The following ARHGEF10 variants were observed in gnomAD, a reference collection of about 807,000 sequenced individuals.
ARHGEF10 encodes Rho guanine nucleotide exchange factor (GEF) 10.
In ARHGEF10, 140 loss-of-function variants were observed where a neutral mutation model predicts 147.4. That is an observed-to-expected ratio of 0.95 (90% CI 0.83 to 1.09). The LOEUF is 1.09. Among genes scored for constraint, ARHGEF10 ranks in the 50% least tolerant of loss-of-function variants. The pLI, the probability that ARHGEF10 is intolerant of heterozygous loss-of-function variation, is 0.00. For synonymous variants in ARHGEF10, 902 were observed against 695.8 expected (o/e 1.30, Z -4.67); for missense variants, 2,222 against 1,752.7 (o/e 1.27, Z -4.78).
intron 7 of ARHGEF10, chr8:1,871,210 G>C (rs1807094336): frequency 6.7e-6 from 1 of 150,192 alleles, no homozygotes; most frequent in Non-Finnish European, 1.5e-5. Context: ...TTTGAAGCAA[G>C]TAGTTCCAGA....
intron 26 of ARHGEF10, among the ~76,000 whole-genome samples, chr8:1,939,418 G>A (rs1323731042): frequency 6.6e-6 from 1 of 152,262 alleles, no homozygotes; most frequent in Non-Finnish European, 1.5e-5. Context: ...TCCCAGGATG[G>A]CTGGGCTGCC....
At chr8:1,938,810 G>A (rs908465635) in intron 26 of ARHGEF10, among the ~76,000 whole-genome samples, 2 of 152,096 alleles carry the variant, frequency 1.3e-5, no homozygotes, top group African/African-American at 4.8e-5. Flanking sequence ...GTCAGCAGAA[G>A]AGGCCAGAGA....
At chr8:1,826,191 TG>T in intron 1 of ARHGEF10, 1 of 1,489,690 alleles carries the variant, frequency 6.7e-7, no homozygotes. Context: ...TGTAGACAGT[TG>T]GGGGTGAAGT....
intron 26 of ARHGEF10, among the ~76,000 whole-genome samples, chr8:1,945,006 T>C (rs1585638221): frequency 2.0e-5 from 3 of 152,342 alleles, no homozygotes; most frequent in African/African-American, 7.2e-5. Flanking sequence ...AAGGACCAAG[T>C]TGCTTGGAGA....
intron 7 of ARHGEF10, among the ~76,000 whole-genome samples, chr8:1,873,698 G>A (rs1298719892): frequency 6.9e-6 from 1 of 144,386 alleles, no homozygotes; most frequent in South Asian, 2.2e-4. Context: ...ATTGAGCGGT[G>A]CCCGCGGGGT....
intron 4 of ARHGEF10, 128 bp from the exon 5 acceptor site, chr8:1,864,245 C>T: frequency 2.2e-6 from 2 of 906,814 alleles, no homozygotes; most frequent in Non-Finnish European, 3.6e-6. Flanking sequence ...GTTTATTAAT[C>T]ACCCTTATGC....
At chr8:1,929,188 G>C in intron 24 of ARHGEF10, 98 bp from the exon 25 acceptor site, 1 of 1,346,250 alleles carries the variant, frequency 7.4e-7, no homozygotes, top group Non-Finnish European at 1.1e-6. Flanking sequence ...GGAAGGGCAA[G>C]AGGGAAGAGT....
intron 21 of ARHGEF10, among the ~76,000 whole-genome samples, 172 bp from the exon 22 acceptor site, chr8:1,925,111 A>G (rs1279896016): frequency 1.3e-5 from 2 of 152,234 alleles, no homozygotes; most frequent in African/African-American, 4.8e-5. Context: ...ACGAATATAC[A>G]GCCTATGCTG....
intron 13 of ARHGEF10, among the ~76,000 whole-genome samples, chr8:1,895,213 A>G (rs926174684): frequency 6.6e-6 from 1 of 152,180 alleles, no homozygotes; most frequent in Non-Finnish European, 1.5e-5. Flanking sequence ...GGCAGTTTCG[A>G]GTCATTTTAT....
intron 1 of ARHGEF10, among the ~76,000 whole-genome samples, chr8:1,839,454 G>GGA: frequency 7.6e-6 from 1 of 132,062 alleles, no homozygotes; most frequent in African/African-American, 2.9e-5. Context: ...TGGTGTGGAA[G>GGA]CTGTCTGGTG....
At position 1,858,205 on chromosome 8, in the gene ARHGEF10, T is replaced by TCCCCAGGTGAG. The variant is rs1395408568; in HGVS notation, c.193+90_193+91insCCCCAGGTGAG. On this transcript the variant is annotated intron_variant, in intron 3 of 28. Coordinates refer to ENST00000349830, the MANE Select transcript of ARHGEF10 (RefSeq NM_014629.4). ...GTCCCCATGTGAGTCACCAGGTGAG[T>TCCCCAGGTGAG]TCCCAGGTGAGTCCCCAGGTGAGTC... 4.8e-4 allele frequency: 586 copies of TCCCCAGGTGAG among 1,231,114 alleles called. 1 individual carries two copies. The African/African-American group carries it at 5.7e-3, about 12-fold the overall frequency. The allele number at this position is 1,231,114 out of a possible 1,614,324, so 76.3% of individuals were successfully genotyped here.
At position 1,948,744 on chromosome 8, in the gene ARHGEF10, G is replaced by A. The variant is rs994065020; in HGVS notation, c.3397+3089G>A. ...TTCATCTCATCTCCTCTGTCTAGTC[G>A]TCTTTGCCTTTCAGCTAATATTTCA... On this transcript the variant is annotated intron_variant, in intron 27 of 28. Coordinates refer to ENST00000349830, the MANE Select transcript of ARHGEF10 (RefSeq NM_014629.4). The surrounding 1 kb of genome is among the most constrained non-coding windows in gnomAD (Gnocchi z 4.9). Among the ~76,000 whole-genome samples the A allele has an allele frequency of 3.3e-5, 5 of 152,270 alleles. No homozygotes were observed. The highest frequency in any genetic ancestry group is 5.9e-5 in the Non-Finnish European group (4 of 68,024).
chr8:1,917,607 GAGAA>G (rs1161398290), intron 18 of ARHGEF10, among the ~76,000 whole-genome samples: 1 of 152,196 alleles, frequency 6.6e-6, no homozygotes, highest in Non-Finnish European at 1.5e-5. Context: ...AAGCGTCCGT[GAGAA>G]AGACTCGGGA....
At chr8:1,891,241 C>T (rs917901106) in intron 11 of ARHGEF10, among the ~76,000 whole-genome samples, 6 of 152,110 alleles carry the variant, frequency 3.9e-5, no homozygotes, top group African/African-American at 7.2e-5. Context: ...TGATTCACAT[C>T]GATTTTGTTT....
At chr8:1,945,744 TCCC>T in intron 27 of ARHGEF10, 89 bp downstream of exon 27, 2 of 1,542,282 alleles carry the variant, frequency 1.3e-6, no homozygotes, top group Non-Finnish European at 1.8e-6. Context: ...CCTTAGCGCT[TCCC>T]AGTGCAGGAC....
rs138114470 is a variant in ARHGEF10, at chr8:1,883,048, T to C, written c.1075+299T>C. On this transcript the variant is annotated intron_variant, in intron 10 of 28. Coordinates refer to ENST00000349830, the MANE Select transcript of ARHGEF10 (RefSeq NM_014629.4). ...CCTCTGTCACTGTGGATTCTTAGTA[T>C]TGGACTCTGTATTTATAGCACATTG... 8.8e-3 allele frequency among the ~76,000 whole-genome samples: 1,337 copies of C among 152,304 alleles called. 20 individuals carry two copies. Among genetic ancestry groups the C allele is most frequent in the African/African-American group, 0.03 (1,254 of 41,560 alleles).
intron 17 of ARHGEF10, among the ~76,000 whole-genome samples, chr8:1,909,011 C>G (rs1042883420): frequency 2.0e-5 from 3 of 152,202 alleles, no homozygotes; most frequent in Non-Finnish European, 4.4e-5. Flanking sequence ...CAGCAAGCAC[C>G]GAGCTGCTTC....
chr8:1,899,112 A>C (rs1810253949), intron 15 of ARHGEF10, among the ~76,000 whole-genome samples: 1 of 152,172 alleles, frequency 6.6e-6, no homozygotes, highest in East Asian at 1.9e-4. Context: ...TGTGGCTGTG[A>C]ACAGTAGGCC....
At chr8:1,888,204 TTA>T (rs1444093492) in intron 11 of ARHGEF10, among the ~76,000 whole-genome samples, 2 of 44,024 alleles carry the variant, frequency 4.5e-5, no homozygotes, top group Admixed American at 1.8e-4. Context: ...GAGGAGACAC[TTA>T]GTGGGGCGAG....
Sources: allele counts gnomAD v4.1 joint callset (sites outside exome capture counted in the v4.1 genomes callset), GRCh38; gene constraint gnomAD v4.1.1; non-coding constraint Gnocchi (gnomAD v3.1); transcripts MANE v1.5; gene names NCBI Gene and HGNC (gene_info 2026-07-23, HGNC 2026-07-21).